SUGCT: variants seen among roughly 807,000 people sequenced by gnomAD.
The protein encoded by SUGCT is succinyl-CoA:glutarate CoA-transferase.
SUGCT carries 41 observed loss-of-function variants against 55.0 expected under a neutral mutation model. The ratio of observed to expected loss-of-function variants is 0.74; its 90% CI spans 0.58 to 0.97. SUGCT has a LOEUF of 0.97. SUGCT is among the 50% of genes least tolerant of loss of function. The probability of loss-of-function intolerance (pLI) is 0.00; values close to 1 mark genes in which losing one functional copy is unlikely to be tolerated. For synonymous variants in SUGCT, 187 were observed against 200.4 expected (o/e 0.93, Z 0.56); for missense variants, 568 against 547.8 (o/e 1.04, Z -0.37).
At chr7:40,416,454 A>G (rs1024863408) in intron 9 of SUGCT, among the ~76,000 whole-genome samples, 1 of 151,778 alleles carries the variant, frequency 6.6e-6, no homozygotes, top group Non-Finnish European at 1.5e-5. Context: ...TTTTCTTCCA[A>G]TCTGACTTGG....
At chr7:40,809,188 A>T (rs1791268692) in intron 13 of SUGCT, among the ~76,000 whole-genome samples, 1 of 152,226 alleles carries the variant, frequency 6.6e-6, no homozygotes, top group South Asian at 2.1e-4. Context: ...CAAGGTTGTT[A>T]TGAAGATTAC....
rs76322221 is a variant in SUGCT at position 40,843,774 on chromosome 7, C to T, written c.1154-16542C>T. 3.6e-3 allele frequency among the ~76,000 whole-genome samples: 540 copies of T among 152,102 alleles called. 3 individuals carry two copies. Among genetic ancestry groups the T allele is most frequent in the African/African-American group, 0.011 (476 of 41,490 alleles). On this transcript the variant is annotated intron_variant, in intron 13 of 13. Coordinates refer to ENST00000335693, the MANE Select transcript of SUGCT (RefSeq NM_001193313.2). ...AGGAGTGGATTATGTAGAACCCCAT[C>T]GCCTATTGTGAAGAGCAAGGGAAAG...
At chr7:40,501,306 GATTAA>G (rs370484181) in intron 12 of SUGCT, among the ~76,000 whole-genome samples, 7 of 152,174 alleles carry the variant, frequency 4.6e-5, no homozygotes, top group African/African-American at 1.2e-4. Flanking sequence ...TGATGTAGGT[GATTAA>G]ATAAAATAAA....
chr7:41,030,905 T>G, the SUGCT span, among the ~76,000 whole-genome samples: 7 of 152,142 alleles, frequency 4.6e-5, no homozygotes, highest in African/African-American at 1.7e-4. Context: ...TACTCATAGT[T>G]GGAGGACATA....
chr7:40,955,340 G>A, the SUGCT span, among the ~76,000 whole-genome samples: 8 of 152,214 alleles, frequency 5.3e-5, no homozygotes, highest in East Asian at 1.4e-3. Flanking sequence ...CCTTGAAGAG[G>A]TCCTTCACAT....
At chr7:40,757,958 A>C (rs1363811330) in intron 13 of SUGCT, among the ~76,000 whole-genome samples, 1 of 152,206 alleles carries the variant, frequency 6.6e-6, no homozygotes, top group Non-Finnish European at 1.5e-5. Flanking sequence ...TAAATTAATC[A>C]AATTTAATTA....
At chr7:40,269,244 G>C (rs916226714) in intron 7 of SUGCT, among the ~76,000 whole-genome samples, 1 of 152,086 alleles carries the variant, frequency 6.6e-6, no homozygotes, top group African/African-American at 2.4e-5. Context: ...TTTGTATCTA[G>C]TTCTTTGGAG....
At chr7:40,400,719 G>T (rs1786017846) in intron 9 of SUGCT, among the ~76,000 whole-genome samples, 1 of 152,110 alleles carries the variant, frequency 6.6e-6, no homozygotes, top group African/African-American at 2.4e-5. Flanking sequence ...ACTTTTTGCT[G>T]ATGTGTTGGA....
chr7:40,878,088 T>C, the SUGCT span, among the ~76,000 whole-genome samples: 1 of 152,152 alleles, frequency 6.6e-6, no homozygotes, highest in Non-Finnish European at 1.5e-5. Flanking sequence ...TGTTGTTTCT[T>C]CTTCTTTTTT....
chr7:40,710,268 A>G (rs1785643232), intron 12 of SUGCT, among the ~76,000 whole-genome samples: 1 of 152,200 alleles, frequency 6.6e-6, no homozygotes. Context: ...AGAACGCAAC[A>G]CAGAGGAGAT....
At chr7:40,998,752 A>T in the SUGCT span, among the ~76,000 whole-genome samples, 1 of 152,176 alleles carries the variant, frequency 6.6e-6, no homozygotes, top group South Asian at 2.1e-4. Context: ...GCTTCTCCTC[A>T]TTGGTGGTGA....
chr7:40,199,944 G>A (rs961763241), intron 6 of SUGCT, among the ~76,000 whole-genome samples: 2 of 152,004 alleles, frequency 1.3e-5, no homozygotes, highest in South Asian at 4.1e-4. Flanking sequence ...AGACATACAA[G>A]GTAATGAATA....
At chr7:40,344,090 C>T (rs1190754995) in intron 9 of SUGCT, among the ~76,000 whole-genome samples, 1 of 152,176 alleles carries the variant, frequency 6.6e-6, no homozygotes, top group Non-Finnish European at 1.5e-5. Flanking sequence ...GAGGTACATG[C>T]TGGGTTCCAT....
intron 9 of SUGCT, among the ~76,000 whole-genome samples, chr7:40,400,000 A>G (rs4236366): frequency 0.96 from 145,727 of 152,204 alleles, 70,089 homozygotes; most frequent in East Asian, 1. Flanking sequence ...AGTGAGCCAA[A>G]ATTGTGCCAC....
the SUGCT span, among the ~76,000 whole-genome samples, chr7:40,940,906 A>G: frequency 1.3e-5 from 2 of 151,944 alleles, no homozygotes; most frequent in African/African-American, 2.4e-5. Flanking sequence ...TTCCAGTTCT[A>G]TGTTGAATAG....
intron 12 of SUGCT, among the ~76,000 whole-genome samples, chr7:40,655,798 C>CA (rs1010915384): frequency 6.6e-6 from 1 of 151,936 alleles, no homozygotes; most frequent in African/African-American, 2.4e-5. Flanking sequence ...CAACAATAAA[C>CA]TTTTTTTTGG....
intron 9 of SUGCT, among the ~76,000 whole-genome samples, chr7:40,418,670 C>G (rs1003652126): frequency 8.5e-5 from 13 of 152,148 alleles, no homozygotes; most frequent in African/African-American, 3.1e-4. Flanking sequence ...GCCACTTGGG[C>G]TGCAGGGGTT....
At chr7:40,934,857 T>C in the SUGCT span, among the ~76,000 whole-genome samples, 1 of 151,958 alleles carries the variant, frequency 6.6e-6, no homozygotes, top group African/African-American at 2.4e-5. Flanking sequence ...ACAGCATCTC[T>C]TGGAAAGGGA....
the SUGCT span, among the ~76,000 whole-genome samples, chr7:40,893,356 A>T: frequency 2.0e-5 from 3 of 152,296 alleles, no homozygotes; most frequent in Admixed American, 2.0e-4. Context: ...TAAAAAGAAT[A>T]TTCCATCTAT....
Sources: gnomAD v4.1 joint callset for allele counts (sites outside exome capture counted in the v4.1 genomes callset) on GRCh38, gnomAD v4.1.1 for gene constraint, MANE v1.5 for transcripts, NCBI Gene and HGNC (gene_info 2026-07-23, HGNC 2026-07-21) for gene names.